Variants in AGBL3 observed in about 807,000 individuals in gnomAD.
The protein encoded by AGBL3 is cytosolic carboxypeptidase 3.
AGBL3 carries 68 observed loss-of-function variants against 94.5 expected under a neutral mutation model. The ratio of observed to expected loss-of-function variants is 0.72; its 90% CI spans 0.59 to 0.88. AGBL3 has a LOEUF of 0.88. Ranked by LOEUF, AGBL3 falls within the 40% of genes least tolerant of loss-of-function variation. AGBL3 has a pLI of 0.00. For synonymous variants in AGBL3, 354 were observed against 370.7 expected, an observed-to-expected ratio of 0.95 and a Z score of 0.52; for missense variants, 934 against 1,103.8, an observed-to-expected ratio of 0.85 and a Z score of 2.18.
chr7:135,004,334 T>C (rs935541752), intron 4 of AGBL3, among the ~76,000 whole-genome samples: 81 of 151,802 alleles, frequency 5.3e-4, no homozygotes, highest in African/African-American at 1.9e-3. Flanking sequence ...TCCTGTTTTC[T>C]CATTTTATGC....
chr7:135,016,304 G>A (rs1469158360), intron 4 of AGBL3, among the ~76,000 whole-genome samples: 1 of 150,652 alleles, frequency 6.6e-6, no homozygotes, highest in Non-Finnish European at 1.5e-5. Context: ...ATGGTAGACT[G>A]TGTTTCTTCT....
intron 1 of AGBL3, among the ~76,000 whole-genome samples, chr7:134,987,359 C>T (rs1809598901): frequency 6.6e-6 from 1 of 152,104 alleles, no homozygotes; most frequent in Non-Finnish European, 1.5e-5. Flanking sequence ...ACCAATACAA[C>T]CTTCTGGTAG....
intron 15 of AGBL3, among the ~76,000 whole-genome samples, chr7:135,095,337 T>G (rs1250224650): frequency 6.6e-6 from 1 of 152,146 alleles, no homozygotes; most frequent in East Asian, 1.9e-4. Flanking sequence ...TAACAGTGGT[T>G]TACAGCTGAT....
chr7:135,048,744 C>T (rs1319352354), intron 11 of AGBL3, among the ~76,000 whole-genome samples: 1 of 127,972 alleles, frequency 7.8e-6, no homozygotes, highest in African/African-American at 2.8e-5. Context: ...TTGATTAGTT[C>T]TCACAGTTGT....
intron 15 of AGBL3, among the ~76,000 whole-genome samples, chr7:135,106,089 A>G (rs1165229673): frequency 1.3e-5 from 2 of 152,130 alleles, no homozygotes; most frequent in African/African-American, 4.8e-5. Context: ...TTGATTTTGT[A>G]TCCTGAAACT....
intron 12 of AGBL3, among the ~76,000 whole-genome samples, chr7:135,069,482 A>T (rs1378995903): frequency 8.5e-5 from 13 of 152,128 alleles, no homozygotes; most frequent in Non-Finnish European, 1.5e-4. Flanking sequence ...GAAGTAAAGC[A>T]CTCCTCAGCA....
At chr7:135,107,519 T>C (rs1485452447) in intron 15 of AGBL3, among the ~76,000 whole-genome samples, 1 of 152,188 alleles carries the variant, frequency 6.6e-6, no homozygotes, top group African/African-American at 2.4e-5. Context: ...TGTAATTGCA[T>C]GGTTTTGAGC....
chr7:135,015,858 C>CAAAAA lies in AGBL3; in HGVS notation c.311-1190_311-1186dup, dbSNP rs780785475. On this transcript the variant is annotated intron_variant, in intron 4 of 16. Transcript: ENST00000436302. ...TGAAACCCCGTCTCTACTAAAAATACAAAAAAAAGAAAAAAAAAAAAAATT... is the reference window on the plus strand; with the variant it reads ...TGAAACCCCGTCTCTACTAAAAATACAAAAAAAAAAAAAGAAAAAAAAAAAAAATT... Among the ~76,000 whole-genome samples, 316 of 77,078 alleles carry CAAAAA rather than the reference C, an allele frequency of 4.1e-3. 7 individuals are homozygous for CAAAAA. The East Asian group carries it at 0.057, about 14-fold the overall frequency. The allele number at this position is 77,078 out of a possible 152,430, so 50.6% of individuals were successfully genotyped here.
intron 12 of AGBL3, among the ~76,000 whole-genome samples, chr7:135,059,548 T>C (rs1818642943): frequency 1.3e-5 from 2 of 152,230 alleles, no homozygotes; most frequent in African/African-American, 4.8e-5. Flanking sequence ...CATTTATTAT[T>C]CAACTATGTA....
intron 4 of AGBL3, among the ~76,000 whole-genome samples, chr7:135,002,493 C>G (rs1811841002): frequency 6.6e-6 from 1 of 152,120 alleles, no homozygotes; most frequent in African/African-American, 2.4e-5. Context: ...AGTCCCCCGC[C>G]TCTCCATCCA....
intron 15 of AGBL3, chr7:135,094,247 C>A: frequency 5.2e-6 from 2 of 385,066 alleles, no homozygotes; most frequent in South Asian, 2.0e-5. Flanking sequence ...CTTACAACAA[C>A]AAAAAAGCTG....
chr7:135,025,690 C>A (rs1440993983), intron 5 of AGBL3, among the ~76,000 whole-genome samples: 1 of 151,512 alleles, frequency 6.6e-6, no homozygotes, highest in Admixed American at 6.6e-5. Context: ...CTGTCTTCAA[C>A]AGACCCGTCT....
At chr7:135,005,247 A>G (rs1024185933) in intron 4 of AGBL3, among the ~76,000 whole-genome samples, 1 of 151,734 alleles carries the variant, frequency 6.6e-6, no homozygotes, top group Non-Finnish European at 1.5e-5. Flanking sequence ...TTTGAGGTAC[A>G]TTTTACAAAA....
chr7:135,019,620 C>T (rs888129053), intron 5 of AGBL3, among the ~76,000 whole-genome samples: 1 of 152,056 alleles, frequency 6.6e-6, no homozygotes, highest in African/African-American at 2.4e-5. Flanking sequence ...CAATCTTAAG[C>T]AAAAAGAACA....
intron 15 of AGBL3, among the ~76,000 whole-genome samples, chr7:135,084,372 T>C (rs1423995837): frequency 1.3e-5 from 2 of 152,134 alleles, no homozygotes; most frequent in Non-Finnish European, 2.9e-5. Context: ...CTCCTAGCTA[T>C]TTGAAAATAC....
intron 11 of AGBL3, among the ~76,000 whole-genome samples, chr7:135,056,601 G>A (rs1009205418): frequency 2.0e-5 from 3 of 151,408 alleles, no homozygotes; most frequent in Non-Finnish European, 4.4e-5. Context: ...TACCAGCCAC[G>A]AACAACTGGA....
chr7:135,034,708 A>G lies in AGBL3; in HGVS notation c.1117A>G (p.Ile373Val), dbSNP rs1165347836. 6 of 1,550,804 alleles carry G rather than the reference A, an allele frequency of 3.9e-6. No individual in the cohort carries two copies. In the African/African-American group the frequency reaches 6.8e-5, roughly 18 times the overall value. ...VHPGETNSSW[I>V]MKGFLDYILG... ...TCCAGGGGAAACCAACAGCTCTTGG[A>G]TCATGAAAGGCTTCCTAGATTATAT... The change falls in exon 7 of 17, where the codon ATC becomes GTC. Residue 373 changes from isoleucine to valine, a missense_variant. Transcript: ENST00000436302.
At chr7:135,007,486 T>G (rs1812540370) in intron 4 of AGBL3, among the ~76,000 whole-genome samples, 1 of 151,892 alleles carries the variant, frequency 6.6e-6, no homozygotes, top group African/African-American at 2.4e-5. Flanking sequence ...CCTACACCCT[T>G]TCATGACAAA....
At chr7:135,036,171 T>C (rs1816285090) in intron 7 of AGBL3, among the ~76,000 whole-genome samples, 1 of 152,062 alleles carries the variant, frequency 6.6e-6, no homozygotes, top group African/African-American at 2.4e-5. Context: ...ATATAGCAAA[T>C]AGTATATGTA....
Sources: gnomAD v4.1 joint callset for allele counts (sites outside exome capture counted in the v4.1 genomes callset) on GRCh38, gnomAD v4.1.1 for gene constraint, MANE v1.5 for transcripts, NCBI Gene and HGNC (gene_info 2026-07-23, HGNC 2026-07-21) for gene names.